Variants in NOL4 observed in about 807,000 individuals in gnomAD.
NOL4 encodes the protein cancer/testis antigen 125.
In NOL4, 17 loss-of-function variants were observed where a neutral mutation model predicts 75.9. That is an observed-to-expected ratio of 0.22 (90% CI 0.15 to 0.34). The LOEUF (loss-of-function observed/expected upper bound fraction) is 0.34, where lower values mean the gene tolerates loss of function less well. Ranked by LOEUF, NOL4 falls within the 10% of genes least tolerant of loss-of-function variation. NOL4 has a pLI of 1.00. For missense variants in NOL4, 614 were observed against 793.5 expected (o/e 0.77, Z 2.72); for synonymous variants, 292 against 289.9 (o/e 1.01, Z -0.07).
intron 5 of NOL4, among the ~76,000 whole-genome samples, chr18:34,049,724 C>T (rs1193810565): frequency 6.6e-6 from 1 of 152,100 alleles, no homozygotes; most frequent in African/African-American, 2.4e-5. Flanking sequence ...CCTTCCCCCA[C>T]TGTCTGTAAT....
chr18:33,866,322 T>C (rs556944000), intron 10 of NOL4, among the ~76,000 whole-genome samples: 1 of 152,302 alleles, frequency 6.6e-6, no homozygotes, highest in African/African-American at 2.4e-5. Flanking sequence ...TAAAACATTT[T>C]AAAATCTTCT....
rs996764076 is a variant in NOL4, at chr18:34,080,715, T to A, written c.772+12750A>T. On this transcript the variant is annotated intron_variant, in intron 5 of 10. Transcript: ENST00000261592. ...CAAACATCATCATCTTTAATAACAGTTAGGATGTGCTTTATAAAGAAGTCT... is the reference window on the plus strand; with the variant it reads ...CAAACATCATCATCTTTAATAACAGATAGGATGTGCTTTATAAAGAAGTCT... Among the ~76,000 whole-genome samples the A allele has an allele frequency of 2.6e-5, 4 of 152,256 alleles. No homozygotes were observed. The East Asian group carries it at 5.8e-4, about 22-fold the overall frequency.
chr18:34,179,386 G>GA (rs1382656872), intron 1 of NOL4, among the ~76,000 whole-genome samples: 4 of 151,100 alleles, frequency 2.6e-5, no homozygotes, highest in Non-Finnish European at 5.9e-5. Context: ...ATAGATACTA[G>GA]AAAAAACAGA....
chr18:33,887,418 G>GTTT (rs1318544518), intron 9 of NOL4, among the ~76,000 whole-genome samples: 1 of 138,324 alleles, frequency 7.2e-6, no homozygotes, highest in African/African-American at 2.6e-5. Flanking sequence ...AAGAAGGTGA[G>GTTT]TTTTTTTTTT....
chr18:33,863,169 G>C (rs1390750678), intron 10 of NOL4, among the ~76,000 whole-genome samples: 2 of 151,176 alleles, frequency 1.3e-5, no homozygotes, highest in African/African-American at 4.9e-5. Context: ...ACTATCGCAA[G>C]AACAAAAAAC....
intron 4 of NOL4, among the ~76,000 whole-genome samples, chr18:34,102,041 T>C (rs140879173): frequency 7.2e-5 from 11 of 152,122 alleles, no homozygotes; most frequent in Non-Finnish European, 1.6e-4. Context: ...CAGGAAGTTT[T>C]CACTATATCC....
intron 9 of NOL4, among the ~76,000 whole-genome samples, chr18:33,927,069 G>A (rs1310714236): frequency 6.6e-6 from 1 of 152,076 alleles, no homozygotes; most frequent in African/African-American, 2.4e-5. Context: ...AGAGGAGTTG[G>A]GAACAAGAGA....
At chr18:33,929,279 A>G (rs1774739365) in intron 9 of NOL4, among the ~76,000 whole-genome samples, 1 of 152,126 alleles carries the variant, frequency 6.6e-6, no homozygotes, top group African/African-American at 2.4e-5. Flanking sequence ...GCTGTTTTTG[A>G]TAGTCAAGAG....
intron 1 of NOL4, among the ~76,000 whole-genome samples, chr18:34,140,741 T>C (rs887243654): frequency 1.3e-5 from 2 of 152,176 alleles, no homozygotes; most frequent in African/African-American, 2.4e-5. Flanking sequence ...GCTGGGTATA[T>C]TGGTCGCTAG....
chr18:34,203,717 T>TCACACACACACACA (rs60755450), intron 1 of NOL4, among the ~76,000 whole-genome samples: 38 of 72,302 alleles, frequency 5.3e-4, no homozygotes, highest in Non-Finnish European at 5.6e-4. Flanking sequence ...TCTCTCTCTC[T>TCACACACACACACA]CACACACACA....
chr18:33,875,719 T>C (rs2144563937), intron 10 of NOL4, among the ~76,000 whole-genome samples: 1 of 147,882 alleles, frequency 6.8e-6, no homozygotes, highest in Non-Finnish European at 1.5e-5. Context: ...CTCTGTAGCC[T>C]TTTTCCTTTT....
At position 34,019,458 on chromosome 18, in the gene NOL4, G is replaced by T; in HGVS notation, c.916C>A (p.Leu306Met). The T allele has an allele frequency of 6.2e-7, 1 of 1,613,948 alleles. No homozygotes were observed. The highest frequency in any genetic ancestry group is 8.5e-7 in the Non-Finnish European group (1 of 1,179,980). ...TGCGCAGAGAGGGGACTGTCACTCA[G>T]GTTCAGTGGCTGTTCATCTTGCTCC... is the stretch of plus-strand genomic sequence containing the variant. ...GLEQDEQPLN[L>M]SDSPLSAQLT... Residue 306 changes from leucine (L) to methionine (M), a missense_variant, in exon 6 of 11, where the codon CTG (leucine) becomes ATG (methionine). Leu to Met is a conservative substitution (Grantham distance 15). Around this residue, in one of 9 missense-constraint regions of NOL4, gnomAD observed 196 missense variants for 167.9 expected, o/e 1.17. Transcript: ENST00000261592.
At chr18:34,079,736 G>T (rs1005368550) in intron 5 of NOL4, among the ~76,000 whole-genome samples, 1 of 152,048 alleles carries the variant, frequency 6.6e-6, no homozygotes, top group Admixed American at 6.6e-5. Flanking sequence ...ATGTAATTAT[G>T]CATTCTTGTC....
At chr18:34,062,476 T>A (rs1401228792) in intron 5 of NOL4, among the ~76,000 whole-genome samples, 1 of 152,080 alleles carries the variant, frequency 6.6e-6, no homozygotes, top group Non-Finnish European at 1.5e-5. Flanking sequence ...TCTTCTGGAA[T>A]TTATAAATTA....
At chr18:34,178,945 T>C (rs899223616) in intron 1 of NOL4, among the ~76,000 whole-genome samples, 3 of 151,652 alleles carry the variant, frequency 2.0e-5, no homozygotes, top group African/African-American at 4.8e-5. Context: ...TTTTAGACTA[T>C]AGAACAAGTC....
At chr18:34,184,970 G>A (rs1389224749) in intron 1 of NOL4, among the ~76,000 whole-genome samples, 1 of 152,016 alleles carries the variant, frequency 6.6e-6, no homozygotes, top group East Asian at 1.9e-4. Context: ...GGCTAAATAG[G>A]ACCTCAGATT....
At chr18:34,173,046 C>T (rs2033198964) in intron 1 of NOL4, among the ~76,000 whole-genome samples, 1 of 151,736 alleles carries the variant, frequency 6.6e-6, no homozygotes, top group South Asian at 2.1e-4. Flanking sequence ...CTTTTTTTGC[C>T]TGTGTTTTTA....
chr18:34,074,362 G>A (rs1010371070), intron 5 of NOL4, among the ~76,000 whole-genome samples: 2 of 151,634 alleles, frequency 1.3e-5, no homozygotes, highest in Admixed American at 6.6e-5. Flanking sequence ...CATATTTAAT[G>A]TATTTTAGAG....
Position 34,093,451 on chromosome 18 carries a change from A to T in NOL4, c.772+14T>A. The T allele has an allele frequency of 1.9e-6, 3 of 1,555,050 alleles. No individual in the cohort carries two copies. The highest frequency in any genetic ancestry group is 2.6e-6 in the Non-Finnish European group (3 of 1,147,356). On this transcript the variant is annotated intron_variant, in intron 5 of 10. Transcript: ENST00000261592. Reference sequence around the variant, plus strand: ...GCTGTTGTTTTGCTTATTTAGTCAAACTGAAAGGCTTACCATCTTGCTGGC... The same window carrying T: ...GCTGTTGTTTTGCTTATTTAGTCAATCTGAAAGGCTTACCATCTTGCTGGC...
Sources: gnomAD v4.1 joint callset for allele counts (sites outside exome capture counted in the v4.1 genomes callset) on GRCh38, gnomAD v4.1.1 for gene constraint, gnomAD v4.1.1 regional missense constraint, MANE v1.5 for transcripts, NCBI Gene and HGNC (gene_info 2026-07-23, HGNC 2026-07-21) for gene names.